Variants in SETBP1 observed in about 807,000 individuals in gnomAD.
SETBP1 encodes the protein SET-binding protein.
In SETBP1, 9 loss-of-function variants were observed where a neutral mutation model predicts 101.0. The observed-to-expected ratio is 0.09, with a 90% CI of 0.05 to 0.16. The LOEUF is 0.16. SETBP1 is among the 10% of genes least tolerant of loss of function. The probability of loss-of-function intolerance (pLI) is 1.00; values close to 1 mark genes in which losing one functional copy is unlikely to be tolerated. For missense variants in SETBP1, 1,858 were observed against 2,033.8 expected (o/e 0.91, Z 1.66); for synonymous variants, 818 against 788.5 (o/e 1.04, Z -0.63).
At chr18:44,949,428 AAG>A (rs2071283838) in intron 3 of SETBP1, among the ~76,000 whole-genome samples, 1 of 152,262 alleles carries the variant, frequency 6.6e-6, no homozygotes, top group East Asian at 1.9e-4. Flanking sequence ...AGTTAGGTGA[AAG>A]AACACTGGGA....
Position 45,065,842 on chromosome 18 carries a change from G to A in SETBP1, c.*2144G>A, listed in dbSNP as rs1050174446. The stretch of plus-strand genomic sequence containing the variant: ...AAATCAAAGCAGCCATTTTTAATTC[G>A]TCATTCCCAAGCCCTATCTGAGTGG... On this transcript the variant is annotated 3_prime_UTR_variant, in exon 6 of 6. Transcript: ENST00000649279. The A allele has an allele frequency of 6.6e-6, 1 of 152,122 alleles. No homozygotes were observed. The highest frequency in any genetic ancestry group is 1.5e-5 in the Non-Finnish European group (1 of 68,036). The allele number at this position is 152,122 out of a possible 1,614,324, so 9.4% of individuals were successfully genotyped here.
chr18:44,972,069 G>A (rs1568001379), intron 4 of SETBP1, among the ~76,000 whole-genome samples: 1 of 152,190 alleles, frequency 6.6e-6, no homozygotes, highest in Non-Finnish European at 1.5e-5. Context: ...GTAAGGAAGG[G>A]ATCCAGTTTC....
rs1265432559 is a variant in SETBP1 at position 44,746,780 on chromosome 18, G to A, written c.486+44948G>A. 2.6e-5 allele frequency among the ~76,000 whole-genome samples: 4 copies of A among 152,352 alleles called. No homozygotes were observed. The East Asian group carries it at 7.7e-4, about 29-fold the overall frequency. On this transcript the variant is annotated intron_variant, in intron 2 of 5. Coordinates refer to ENST00000649279, the MANE Select transcript of SETBP1 (RefSeq NM_015559.3). ...ATGCATGGGACACAGTAAAGAACAA[G>A]CGGGTGGGGTCTGTGCCAACATGGA...
At chr18:44,877,363 T>C (rs2069430531) in intron 3 of SETBP1, 1 of 973,440 alleles carries the variant, frequency 1.0e-6, no homozygotes, top group Non-Finnish European at 1.2e-6. Context: ...AGCTCTGTTC[T>C]AGTTAACCAA....
rs2070784007 is a variant in SETBP1, at chr18:44,929,719, T to C, written c.541-20162T>C. 5.3e-5 allele frequency among the ~76,000 whole-genome samples: 8 copies of C among 152,350 alleles called. No individual in the cohort carries two copies. The South Asian group carries it at 1.5e-3, about 28-fold the overall frequency. On this transcript the variant is annotated intron_variant, in intron 3 of 5. Transcript: ENST00000649279. ...GCAATTGTGAATGGGAGTTCACTCATGATTTGGCTCTCTGTTTGTCTGTTA... is the reference window on the plus strand; with the variant it reads ...GCAATTGTGAATGGGAGTTCACTCACGATTTGGCTCTCTGTTTGTCTGTTA...
intron 3 of SETBP1, among the ~76,000 whole-genome samples, chr18:44,924,225 T>C (rs769044543): frequency 3.9e-5 from 6 of 152,098 alleles, no homozygotes; most frequent in Non-Finnish European, 8.8e-5. Flanking sequence ...TTAGGCACTT[T>C]TGTGATTCTA....
chr18:44,761,404 A>G (rs2070641466), intron 2 of SETBP1, among the ~76,000 whole-genome samples: 1 of 152,180 alleles, frequency 6.6e-6, no homozygotes, highest in African/African-American at 2.4e-5. Context: ...CCATTGGCCA[A>G]CCTTTACTGG....
At chr18:44,973,974 C>T (rs932869111) in intron 4 of SETBP1, among the ~76,000 whole-genome samples, 1 of 152,108 alleles carries the variant, frequency 6.6e-6, no homozygotes. Flanking sequence ...TGTTATTGTT[C>T]TTCTTCTTCC....
intron 2 of SETBP1, among the ~76,000 whole-genome samples, chr18:44,831,055 T>G (rs1162971451): frequency 2.6e-5 from 4 of 152,188 alleles, no homozygotes; most frequent in African/African-American, 9.7e-5. Flanking sequence ...GAGCTGTCTT[T>G]TCTTTTCTGT....
rs200881888 is a variant in SETBP1 at position 45,038,644 on chromosome 18, C to T, written c.4160C>T (p.Thr1387Met). The change falls in exon 5 of 6, where the codon ACG becomes ATG. Residue 1387 changes from threonine to methionine, a missense_variant. Around this residue, in one of 12 missense-constraint regions of SETBP1, gnomAD observed 417 missense variants for 389.1 expected, o/e 1.07. Coordinates refer to ENST00000649279, the MANE Select transcript of SETBP1 (RefSeq NM_015559.3). ...VLSLLAASAATSDAVGSSLKK... is the reference protein window; with the variant it reads ...VLSLLAASAAMSDAVGSSLKK... The stretch of plus-strand genomic sequence containing the variant: ...TCTCTCCTTGCTGCATCTGCAGCAA[C>T]GTCGGATGCAGGTGAGCACTTTTCA... 60 of 1,614,040 alleles carry T rather than the reference C, an allele frequency of 3.7e-5. No individual in the cohort carries two copies. The highest frequency in any genetic ancestry group is 1.7e-4 in the Middle Eastern group (1 of 6,042).
At chr18:44,988,979 A>C (rs535755668) in intron 4 of SETBP1, 1 of 152,220 alleles carries the variant, frequency 6.6e-6, no homozygotes, top group Admixed American at 6.5e-5. Flanking sequence ...GTGGAAGTGC[A>C]TATTATCTCT....
intron 2 of SETBP1, among the ~76,000 whole-genome samples, chr18:44,829,277 GA>G (rs774899697): frequency 2.6e-5 from 4 of 152,152 alleles, no homozygotes; most frequent in Non-Finnish European, 5.9e-5. Context: ...TGCAAGCTCA[GA>G]ACATCGTATA....
At chr18:44,771,859 C>T (rs1167273378) in intron 2 of SETBP1, among the ~76,000 whole-genome samples, 1 of 152,200 alleles carries the variant, frequency 6.6e-6, no homozygotes, top group Non-Finnish European at 1.5e-5. Flanking sequence ...ATTGTAGATT[C>T]AATATCAGCT....
At chr18:45,036,163 C>G (rs2073392474) in intron 4 of SETBP1, among the ~76,000 whole-genome samples, 1 of 152,064 alleles carries the variant, frequency 6.6e-6, no homozygotes, top group Non-Finnish European at 1.5e-5. Context: ...GAAACCCCGT[C>G]TGTACTAAAA....
At chr18:44,752,297 C>A (rs1004550321) in intron 2 of SETBP1, among the ~76,000 whole-genome samples, 1 of 152,208 alleles carries the variant, frequency 6.6e-6, no homozygotes, top group African/African-American at 2.4e-5. Context: ...GATTGGTGGT[C>A]AGTGCTGGGA....
intron 4 of SETBP1, among the ~76,000 whole-genome samples, chr18:44,985,795 C>A (rs2072218319): frequency 6.6e-6 from 1 of 152,058 alleles, no homozygotes; most frequent in Non-Finnish European, 1.5e-5. Flanking sequence ...AGCTACATTG[C>A]CAAAAGTACC....
intron 4 of SETBP1, chr18:44,969,987 G>C (rs190394600): frequency 6.5e-6 from 1 of 154,542 alleles, no homozygotes; most frequent in East Asian, 1.9e-4. Context: ...TGCTGCCCTT[G>C]AGTCAAAGAA....
At chr18:44,687,057 C>A (rs1239081016) in intron 1 of SETBP1, among the ~76,000 whole-genome samples, 1 of 152,182 alleles carries the variant, frequency 6.6e-6, no homozygotes, top group Non-Finnish European at 1.5e-5. Flanking sequence ...AGTCCAAGTG[C>A]TTTTCCGCTC....
At chr18:44,848,594 A>G (rs906121410) in intron 2 of SETBP1, among the ~76,000 whole-genome samples, 5 of 152,250 alleles carry the variant, frequency 3.3e-5, no homozygotes, top group African/African-American at 1.2e-4. Flanking sequence ...AGATAAATTC[A>G]TCTATAGGTG....
Sources: allele counts gnomAD v4.1 joint callset (sites outside exome capture counted in the v4.1 genomes callset), GRCh38; gene constraint gnomAD v4.1.1; regional missense constraint gnomAD v4.1.1; transcripts MANE v1.5; gene names NCBI Gene and HGNC (gene_info 2026-07-23, HGNC 2026-07-21).